Variants in ZNF407 observed in about 807,000 individuals in gnomAD.
ZNF407 encodes zinc finger protein 407.
In ZNF407, 17 loss-of-function variants were observed where a neutral mutation model predicts 131.2. The observed-to-expected ratio is 0.13, with a 90% CI of 0.09 to 0.19. The LOEUF (loss-of-function observed/expected upper bound fraction) is 0.19. Among genes scored for constraint, ZNF407 ranks in the 10% least tolerant of loss-of-function variants. ZNF407 has a pLI of 1.00. For missense variants in ZNF407, 2,681 were observed against 2,830.6 expected (o/e 0.95, Z 1.20); for synonymous variants, 1,156 against 1,062.0 (o/e 1.09, Z -1.72).
chr18:74,634,039 C>T lies in ZNF407; in HGVS notation c.3020C>T (p.Ser1007Phe), dbSNP rs761963587. The T allele has an allele frequency of 1.2e-5, 20 of 1,613,910 alleles. No homozygotes were observed. In the South Asian group the frequency reaches 1.5e-4, roughly 12 times the overall value. Residue 1007 changes from serine to phenylalanine, a missense_variant, in exon 2 of 9, where the codon TCC becomes TTC. Ser to Phe is a radical substitution (Grantham distance 155). Coordinates refer to ENST00000299687, the MANE Select transcript of ZNF407 (RefSeq NM_017757.3). ...TTCGCCCAGCCGGGGGATGTGTACT[C>T]CCAGAGAGATGTTACAGGCACAGGT... ...EDFAQPGDVYSQRDVTGTGEN... is the reference protein window; with the variant it reads ...EDFAQPGDVYFQRDVTGTGEN...
chr18:74,892,775 C>A (rs562916422), intron 7 of ZNF407, among the ~76,000 whole-genome samples: 1 of 152,242 alleles, frequency 6.6e-6, no homozygotes, highest in Non-Finnish European at 1.5e-5. Flanking sequence ...CTGTGCATGG[C>A]CCCAAGTTAC....
intron 1 of ZNF407, among the ~76,000 whole-genome samples, chr18:74,629,919 T>C (rs763651996): frequency 5.3e-5 from 8 of 152,078 alleles, no homozygotes; most frequent in Admixed American, 3.3e-4. Flanking sequence ...TTTCTCAAAA[T>C]TTACTCCATT....
intron 8 of ZNF407, among the ~76,000 whole-genome samples, chr18:74,922,171 T>C (rs193157705): frequency 6.6e-6 from 1 of 152,340 alleles, no homozygotes; most frequent in East Asian, 1.9e-4. Context: ...TAAAAACAGA[T>C]AAAGTCGAGT....
At chr18:74,779,704 G>A (rs1380454663) in intron 3 of ZNF407, among the ~76,000 whole-genome samples, 1 of 151,960 alleles carries the variant, frequency 6.6e-6, no homozygotes, top group Non-Finnish European at 1.5e-5. Context: ...GTTTCCCTGT[G>A]CCATGTAATA....
At chr18:74,670,373 G>A (rs1986095536) in intron 3 of ZNF407, among the ~76,000 whole-genome samples, 1 of 152,194 alleles carries the variant, frequency 6.6e-6, no homozygotes, top group Non-Finnish European at 1.5e-5. Context: ...AAAATTGGAT[G>A]TCTGAAAGAT....
intron 8 of ZNF407, among the ~76,000 whole-genome samples, chr18:75,002,183 T>A (rs1448859804): frequency 2.0e-5 from 3 of 152,252 alleles, no homozygotes; most frequent in African/African-American, 7.2e-5. Flanking sequence ...GGATTTGTTC[T>A]TGCTGATATG....
intron 4 of ZNF407, among the ~76,000 whole-genome samples, chr18:74,816,615 AT>A (rs1421318915): frequency 1.3e-5 from 2 of 152,192 alleles, no homozygotes; most frequent in African/African-American, 4.8e-5. Context: ...TTGGCGTTTT[AT>A]TTGTGTGTTT....
At position 75,063,403 on chromosome 18, in the gene ZNF407, C is replaced by T. The variant is rs1029857170; in HGVS notation, c.5682C>T (p.Ala1894=). 1.2e-6 allele frequency: 2 copies of T among 1,610,930 alleles called. No individual in the cohort carries two copies. The highest frequency in any genetic ancestry group is 1.3e-5 in the African/African-American group (1 of 74,898). ...CCGCCGCCACGCTGCAGACGCTGGC[C>T]ATGGCCGGCCAGGTGGCCCGGGTGG... ...ETAAATLQTL[A]MAGQVARVVH... The change falls in exon 9 of 9, where the codon GCC becomes GCT. Residue 1894 remains alanine (A), a synonymous_variant. Transcript: ENST00000299687. The surrounding 1 kb of genome is among the most constrained non-coding windows in gnomAD (Gnocchi z 6.6).
chr18:74,906,191 G>A (rs1221369918), intron 7 of ZNF407, among the ~76,000 whole-genome samples: 3 of 152,066 alleles, frequency 2.0e-5, no homozygotes, highest in African/African-American at 7.3e-5. Flanking sequence ...TGGTGTATAG[G>A]CTGCATCTGG....
chr18:74,966,235 G>A (rs543650539), intron 8 of ZNF407, among the ~76,000 whole-genome samples: 10 of 152,136 alleles, frequency 6.6e-5, no homozygotes, highest in Admixed American at 1.3e-4. Flanking sequence ...AGAAATTTTT[G>A]CCCAGACCAG....
intron 4 of ZNF407, among the ~76,000 whole-genome samples, chr18:74,865,351 T>A (rs1970996356): frequency 6.6e-6 from 1 of 152,226 alleles, no homozygotes; most frequent in South Asian, 2.1e-4. Flanking sequence ...AGCAAGCGAT[T>A]TAACTTTCAT....
chr18:75,013,236 C>T (rs1477810370), intron 8 of ZNF407, among the ~76,000 whole-genome samples: 1 of 152,070 alleles, frequency 6.6e-6, no homozygotes, highest in East Asian at 1.9e-4. Flanking sequence ...AAAGTGGGTT[C>T]TGTGCACATT....
rs762941748 is a variant in ZNF407 at position 74,631,060 on chromosome 18, A to G, written c.41A>G (p.Glu14Gly). Residue 14 changes from glutamate (E) to glycine (G), a missense_variant, in exon 2 of 9, where the codon GAA becomes GGA. Around this residue, in one of 6 missense-constraint regions of ZNF407, gnomAD observed 1,789 missense variants for 1,748.7 expected, o/e 1.02. Transcript: ENST00000299687. ...AATAAACCCGAAAATGATGAGGATG[A>G]AAAGATAAACAAAGAAGCACAAGAC... is the stretch of plus-strand genomic sequence containing the variant. ...SENKPENDEDEKINKEAQDLT... is the reference protein window; with the variant it reads ...SENKPENDEDGKINKEAQDLT... The G allele has an allele frequency of 1.4e-5, 22 of 1,611,934 alleles. No homozygotes were observed. In the African/African-American group the frequency reaches 2.9e-4, roughly 22 times the overall value.
chr18:74,917,504 A>G (rs890692864), intron 7 of ZNF407, among the ~76,000 whole-genome samples: 3 of 152,170 alleles, frequency 2.0e-5, no homozygotes, highest in Admixed American at 6.5e-5. Context: ...CAAATAAAAG[A>G]AGCTTCCTAC....
intron 3 of ZNF407, among the ~76,000 whole-genome samples, chr18:74,669,500 C>A (rs1194604728): frequency 6.6e-6 from 1 of 152,178 alleles, no homozygotes; most frequent in Non-Finnish European, 1.5e-5. Flanking sequence ...CTCTCAGGCT[C>A]TCCTTTTGGG....
At chr18:74,825,475 A>T (rs1423827101) in intron 4 of ZNF407, among the ~76,000 whole-genome samples, 1 of 152,250 alleles carries the variant, frequency 6.6e-6, no homozygotes, top group East Asian at 1.9e-4. Flanking sequence ...CCTTAAGCTG[A>T]TAATCAACTT....
intron 8 of ZNF407, among the ~76,000 whole-genome samples, chr18:74,992,015 G>A (rs1227366514): frequency 6.6e-6 from 1 of 152,178 alleles, no homozygotes; most frequent in African/African-American, 2.4e-5. Context: ...CAGGGTTTTA[G>A]GACTTCCCCA....
chr18:74,626,205 C>T (rs1049824048), intron 1 of ZNF407, among the ~76,000 whole-genome samples: 1 of 152,164 alleles, frequency 6.6e-6, no homozygotes, highest in Non-Finnish European at 1.5e-5. Flanking sequence ...ATTTAAAAGA[C>T]TGATATCAAG....
At position 74,735,210 on chromosome 18, in the gene ZNF407, G is replaced by A. The variant is rs186956489; in HGVS notation, c.4803-46218G>A. Among the ~76,000 whole-genome samples, 19 of 152,170 alleles carry A rather than the reference G, an allele frequency of 1.2e-4. No homozygotes were observed. In the East Asian group the frequency reaches 1.7e-3, roughly 14 times the overall value. On this transcript the variant is annotated intron_variant, in intron 3 of 8. Coordinates refer to ENST00000299687, the MANE Select transcript of ZNF407 (RefSeq NM_017757.3). ...TTAATTTCAATTGACATTTGCTTTC[G>A]ATGCCCTTCTTTTAAATGCTAAGGT...
Sources: gnomAD v4.1 joint callset for allele counts (sites outside exome capture counted in the v4.1 genomes callset) on GRCh38, gnomAD v4.1.1 for gene constraint, gnomAD v4.1.1 regional missense constraint, Gnocchi (gnomAD v3.1) non-coding constraint, MANE v1.5 for transcripts, NCBI Gene and HGNC (gene_info 2026-07-23, HGNC 2026-07-21) for gene names.